The following TCF12 variants were observed in gnomAD, a reference collection of about 807,000 sequenced individuals.
TCF12 encodes transcription factor 12.
Under a neutral mutation model 86.0 loss-of-function variants are expected in TCF12, and 45 were observed. That is an observed-to-expected ratio of 0.52 (90% CI 0.41 to 0.67). The LOEUF (loss-of-function observed/expected upper bound fraction) is 0.67, where lower values mean the gene tolerates loss of function less well. TCF12 is among the 30% of genes least tolerant of loss of function. The pLI is 0.00. For synonymous variants in TCF12, 330 were observed against 299.6 expected (o/e 1.10, Z -1.05); for missense variants, 881 against 859.9 (o/e 1.02, Z -0.31).
chr15:57,263,068 T>C, intron 17 of TCF12, 44 bp from the exon 18 acceptor site: 6 of 1,566,728 alleles, frequency 3.8e-6, no homozygotes, highest in South Asian at 3.6e-5. Flanking sequence ...AATTCATATA[T>C]GAGTCTCGTC....
At chr15:56,920,972 C>A in intron 2 of TCF12, 54 bp from the exon 3 acceptor site, 1 of 1,423,940 alleles carries the variant, frequency 7.0e-7, no homozygotes, top group Non-Finnish European at 9.5e-7. Flanking sequence ...CTTTTGTTTG[C>A]AAGGAATCTA....
chr15:57,013,940 TA>T (rs1161532859), intron 3 of TCF12, among the ~76,000 whole-genome samples: 4 of 151,606 alleles, frequency 2.6e-5, no homozygotes, highest in African/African-American at 9.7e-5. Context: ...ATCTCTTTTT[TA>T]AAAAAAAATG....
At chr15:57,152,113 A>G (rs1229732325) in intron 5 of TCF12, among the ~76,000 whole-genome samples, 1 of 152,236 alleles carries the variant, frequency 6.6e-6, no homozygotes, top group African/African-American at 2.4e-5. Flanking sequence ...CAGAGTCATC[A>G]CAGCAACAGT....
At chr15:57,256,657 A>G (rs2060363218) in intron 16 of TCF12, among the ~76,000 whole-genome samples, 1 of 149,552 alleles carries the variant, frequency 6.7e-6, no homozygotes, top group Non-Finnish European at 1.5e-5. Context: ...TGGGCTCCTA[A>G]TAATGGAGGC....
intron 3 of TCF12, among the ~76,000 whole-genome samples, chr15:57,051,931 A>C (rs750677100): frequency 7.9e-5 from 12 of 152,222 alleles, no homozygotes; most frequent in Admixed American, 2.0e-4. Context: ...GTCAAAGAGC[A>C]GTTGACCATA....
intron 3 of TCF12, among the ~76,000 whole-genome samples, chr15:56,977,423 C>G (rs1364657584): frequency 3.9e-5 from 6 of 152,236 alleles, no homozygotes; most frequent in Admixed American, 3.3e-4. Context: ...ATCCCAGCTA[C>G]TCGGAAGGCT....
intron 7 of TCF12, 25 bp from the exon 8 acceptor site, chr15:57,197,748 G>A: frequency 6.2e-7 from 1 of 1,612,156 alleles, no homozygotes; most frequent in Non-Finnish European, 8.5e-7. Context: ...TTATGCTGAA[G>A]AAATGTATTG....
intron 3 of TCF12, among the ~76,000 whole-genome samples, chr15:57,032,943 A>T (rs1201795906): frequency 2.0e-5 from 3 of 152,218 alleles, no homozygotes; most frequent in Admixed American, 6.5e-5. Flanking sequence ...AACTGTGAAC[A>T]TTTCTGCAAC....
chr15:57,124,978 A>G (rs1696789429), intron 5 of TCF12, among the ~76,000 whole-genome samples: 1 of 152,050 alleles, frequency 6.6e-6, no homozygotes, highest in Non-Finnish European at 1.5e-5. Flanking sequence ...AGCCAAAAAT[A>G]TTTATTTTTT....
At chr15:56,996,857 C>T (rs908301220) in intron 3 of TCF12, among the ~76,000 whole-genome samples, 1 of 152,148 alleles carries the variant, frequency 6.6e-6, no homozygotes, top group Non-Finnish European at 1.5e-5. Flanking sequence ...AAGTAGCCAA[C>T]AAACATATTA....
At chr15:57,255,872 C>A (rs1259290333) in intron 16 of TCF12, among the ~76,000 whole-genome samples, 1 of 152,182 alleles carries the variant, frequency 6.6e-6, no homozygotes, top group Non-Finnish European at 1.5e-5. Flanking sequence ...TTAGTCTGAG[C>A]TGCAACATTA....
intron 5 of TCF12, among the ~76,000 whole-genome samples, chr15:57,157,687 C>T (rs138176108): frequency 2.6e-5 from 4 of 151,844 alleles, no homozygotes; most frequent in African/African-American, 7.2e-5. Context: ...CTCAGCCTCC[C>T]GAGTAGCTGG....
At chr15:57,181,878 T>A (rs998095956) in intron 6 of TCF12, among the ~76,000 whole-genome samples, 2 of 152,196 alleles carry the variant, frequency 1.3e-5, no homozygotes, top group Non-Finnish European at 2.9e-5. Flanking sequence ...CCTTTATTAA[T>A]TATTCTCTAG....
chr15:56,960,283 G>A (rs1371535725), intron 3 of TCF12, among the ~76,000 whole-genome samples: 1 of 152,074 alleles, frequency 6.6e-6, no homozygotes, highest in Non-Finnish European at 1.5e-5. Context: ...AGTCATTTTT[G>A]CAGTAAAGTT....
At chr15:57,103,207 C>A (rs2049880012) in intron 5 of TCF12, among the ~76,000 whole-genome samples, 1 of 152,184 alleles carries the variant, frequency 6.6e-6, no homozygotes, top group African/African-American at 2.4e-5. Flanking sequence ...AAAAATACAG[C>A]ATTTTCTAGG....
intron 5 of TCF12, among the ~76,000 whole-genome samples, chr15:57,094,676 G>A (rs1466497616): frequency 2.0e-5 from 3 of 152,170 alleles, no homozygotes; most frequent in African/African-American, 7.2e-5. Context: ...CATCGCAACA[G>A]GTAACAGTTG....
chr15:57,281,168 A>G (rs555431346), intron 19 of TCF12, among the ~76,000 whole-genome samples: 332 of 149,764 alleles, frequency 2.2e-3, no homozygotes, highest in Non-Finnish European at 4.0e-3. Flanking sequence ...CAGTGGCACG[A>G]TCACTGCAGC....
chr15:57,023,096 G>C (rs2065597412), intron 3 of TCF12, among the ~76,000 whole-genome samples: 1 of 152,020 alleles, frequency 6.6e-6, no homozygotes, highest in African/African-American at 2.4e-5. Context: ...TTTTTGTTTT[G>C]GTTGACATAC....
At chr15:57,168,872 C>T (rs1396271098) in intron 6 of TCF12, among the ~76,000 whole-genome samples, 1 of 152,018 alleles carries the variant, frequency 6.6e-6, no homozygotes, top group African/African-American at 2.4e-5. Context: ...ATGGTGAAAC[C>T]CCATCTCTAC....
Sources: gnomAD v4.1 joint callset for allele counts (sites outside exome capture counted in the v4.1 genomes callset) on GRCh38, gnomAD v4.1.1 for gene constraint, MANE v1.5 for transcripts, NCBI Gene and HGNC (gene_info 2026-07-23, HGNC 2026-07-21) for gene names.